Variants in TTC29 observed in about 807,000 individuals in gnomAD.
TTC29 encodes tetratricopeptide repeat protein 29.
TTC29 carries 49 observed loss-of-function variants against 58.1 expected under a neutral mutation model. The observed-to-expected ratio is 0.84, with a 90% CI of 0.67 to 1.07. The LOEUF (loss-of-function observed/expected upper bound fraction) is 1.07, where lower values mean the gene tolerates loss of function less well. Among genes scored for constraint, TTC29 ranks in the 50% least tolerant of loss-of-function variants. The probability of loss-of-function intolerance (pLI) is 0.00; values close to 1 mark genes in which losing one functional copy is unlikely to be tolerated. For synonymous variants in TTC29, 209 were observed against 196.8 expected (o/e 1.06, Z -0.52); for missense variants, 582 against 555.6 (o/e 1.05, Z -0.48).
Position 146,820,210 on chromosome 4 carries a change from T to G in TTC29, c.1016A>C (p.Lys339Thr). The G allele has an allele frequency of 6.2e-7, 1 of 1,612,982 alleles. No homozygotes were observed. Among genetic ancestry groups the G allele is most frequent in the South Asian group, 1.1e-5 (1 of 91,076 alleles). The change falls in exon 10 of 13, where the codon AAA becomes ACA. Residue 339 changes from lysine (K) to threonine (T), a missense_variant. By Grantham distance (78) the Lys-to-Thr change is moderately conservative (BLOSUM62 -1). Transcript: ENST00000325106. The stretch of plus-strand genomic sequence containing the variant: ...ATTGTTTCTTGCAATTTTCACAAAT[T>G]TTTTCAAGTATTTAATTGCTTCTGT... ...EMTEAIKYLK[K>T]FVKIARNNFQ...
At chr4:146,927,936 C>T (rs1162219685) in intron 4 of TTC29, among the ~76,000 whole-genome samples, 3 of 152,104 alleles carry the variant, frequency 2.0e-5, no homozygotes, top group Non-Finnish European at 4.4e-5. Flanking sequence ...ACGAGCAGAG[C>T]AGCAATGGCC....
At chr4:146,912,867 T>A (rs1298024266) in intron 4 of TTC29, among the ~76,000 whole-genome samples, 1 of 151,934 alleles carries the variant, frequency 6.6e-6, no homozygotes, top group African/African-American at 2.4e-5. Context: ...GACAAAAATA[T>A]GGGTTACTTG....
chr4:146,882,521 G>A (rs1233567122), intron 6 of TTC29, among the ~76,000 whole-genome samples: 6 of 151,878 alleles, frequency 4.0e-5, no homozygotes, highest in Non-Finnish European at 8.8e-5. Context: ...AAAAAGTGTC[G>A]ATAGGTATAA....
At chr4:146,755,510 T>C (rs1746373081) in intron 11 of TTC29, among the ~76,000 whole-genome samples, 1 of 152,084 alleles carries the variant, frequency 6.6e-6, no homozygotes. Context: ...GTAGCAGACA[T>C]GTAGGATGAA....
At chr4:146,797,670 A>T (rs927066049) in intron 11 of TTC29, among the ~76,000 whole-genome samples, 1 of 151,526 alleles carries the variant, frequency 6.6e-6, no homozygotes, top group African/African-American at 2.4e-5. Flanking sequence ...GGCTGCTTTA[A>T]CATATTTCTT....
intron 8 of TTC29, among the ~76,000 whole-genome samples, chr4:146,857,953 G>C (rs896051453): frequency 6.6e-6 from 1 of 152,094 alleles, no homozygotes; most frequent in African/African-American, 2.4e-5. Context: ...ACTACGTAAT[G>C]TACATATCAT....
chr4:146,833,764 G>T, intron 9 of TTC29, 42 bp downstream of exon 9: 1 of 1,488,378 alleles, frequency 6.7e-7, no homozygotes, highest in Non-Finnish European at 9.4e-7. Context: ...TCACAGTTGA[G>T]TGAATTCACA....
At chr4:146,909,883 C>T (rs1254572113) in intron 4 of TTC29, among the ~76,000 whole-genome samples, 1 of 152,024 alleles carries the variant, frequency 6.6e-6, no homozygotes, top group Non-Finnish European at 1.5e-5. Context: ...AAGTGCCAGG[C>T]GCTGTTCTAG....
At chr4:146,909,794 A>G (rs889493112) in intron 4 of TTC29, among the ~76,000 whole-genome samples, 5 of 152,142 alleles carry the variant, frequency 3.3e-5, no homozygotes, top group Non-Finnish European at 5.9e-5. Flanking sequence ...TCTCACTTCA[A>G]TAATCAAATG....
chr4:146,879,646 T>A (rs1451765685), intron 6 of TTC29, among the ~76,000 whole-genome samples: 1 of 152,174 alleles, frequency 6.6e-6, no homozygotes, highest in East Asian at 1.9e-4. Flanking sequence ...CCAAATAAAC[T>A]TTAACACAGC....
chr4:146,871,967 T>C (rs908304234), intron 7 of TTC29, among the ~76,000 whole-genome samples: 2 of 151,960 alleles, frequency 1.3e-5, no homozygotes, highest in African/African-American at 4.8e-5. Context: ...AAGAACAGTA[T>C]TACAAAGCAC....
intron 10 of TTC29, chr4:146,813,002 T>G (rs958450257): frequency 1.3e-5 from 2 of 152,236 alleles, no homozygotes; most frequent in Non-Finnish European, 2.9e-5. Context: ...CTTCGTTTAA[T>G]GTTATTAATA....
intron 2 of TTC29, among the ~76,000 whole-genome samples, chr4:146,940,718 C>T (rs552229628): frequency 1.3e-5 from 2 of 152,178 alleles, no homozygotes; most frequent in Non-Finnish European, 2.9e-5. Context: ...ATGTGGTCTC[C>T]TCATGTGGCA....
chr4:146,908,740 G>T (rs1010774897), intron 5 of TTC29, among the ~76,000 whole-genome samples: 2 of 152,282 alleles, frequency 1.3e-5, no homozygotes, highest in Admixed American at 1.3e-4. Flanking sequence ...TAAACCTAAT[G>T]ATAGGAACTA....
At chr4:146,870,931 C>T (rs1190403670) in intron 7 of TTC29, among the ~76,000 whole-genome samples, 1 of 151,928 alleles carries the variant, frequency 6.6e-6, no homozygotes, top group East Asian at 1.9e-4. Context: ...AGAATTAACA[C>T]CAATCTTTTA....
At position 146,735,210 on chromosome 4, in the gene TTC29, A is replaced by C. The variant is rs566534248; in HGVS notation, c.1331-27659T>G. On this transcript the variant is annotated intron_variant, in intron 11 of 12. Transcript: ENST00000325106. ...AGGCAAAATGATGCAGGGACAACAG[A>C]AAATACCGCTGAGACCTGTGGTTGG... 1.5e-4 allele frequency among the ~76,000 whole-genome samples: 23 copies of C among 152,212 alleles called. No homozygotes were observed. The South Asian group carries it at 4.8e-3, about 32-fold the overall frequency.
Position 146,816,286 on chromosome 4 carries a change from G to T in TTC29, c.1101+3839C>A, listed in dbSNP as rs116120644. Among the ~76,000 whole-genome samples the T allele has an allele frequency of 2.6e-4, 40 of 152,246 alleles. 1 individual carries two copies. In the East Asian group the frequency reaches 5.0e-3, roughly 19 times the overall value. On this transcript the variant is annotated intron_variant, in intron 10 of 12. Coordinates refer to ENST00000325106, the MANE Select transcript of TTC29 (RefSeq NM_031956.4). ...ACTATATCTTTTCTTCTATGCTATAGGAGATGCTCCCTCATTAGACTGTGA... is the reference window on the plus strand; with the variant it reads ...ACTATATCTTTTCTTCTATGCTATATGAGATGCTCCCTCATTAGACTGTGA...
chr4:146,719,596 T>C (rs1167263873), intron 11 of TTC29, among the ~76,000 whole-genome samples: 2 of 152,190 alleles, frequency 1.3e-5, no homozygotes, highest in African/African-American at 4.8e-5. Flanking sequence ...TAGTTCTTAA[T>C]AGTTGTTTGT....
rs543321592 is a variant in TTC29, at chr4:146,862,794, C to A, written c.885+4704G>T. 6.4e-4 allele frequency among the ~76,000 whole-genome samples: 98 copies of A among 152,262 alleles called. 2 individuals are homozygous for A. The South Asian group carries it at 0.018, about 28-fold the overall frequency. ...TACGCCCTTGCCTAGTTTCCCGAAG[C>A]CTCTACTCTGGCTGGAGAATTAAAT... On this transcript the variant is annotated intron_variant, in intron 8 of 12. Transcript: ENST00000325106.
Sources: allele counts gnomAD v4.1 joint callset (sites outside exome capture counted in the v4.1 genomes callset), GRCh38; gene constraint gnomAD v4.1.1; transcripts MANE v1.5; gene names NCBI Gene and HGNC (gene_info 2026-07-23, HGNC 2026-07-21).